Variants in TUSC3 observed in about 807,000 individuals in gnomAD.
TUSC3 encodes the protein dolichyl-diphosphooligosaccharide--protein glycosyltransferase subunit TUSC3.
Under a neutral mutation model 44.8 loss-of-function variants are expected in TUSC3, and 45 were observed. The ratio of observed to expected loss-of-function variants is 1.00; its 90% CI spans 0.79 to 1.29. The LOEUF (loss-of-function observed/expected upper bound fraction) is 1.29, where lower values mean the gene tolerates loss of function less well. TUSC3 is among the 50% of genes most tolerant of loss of function. The pLI is 0.00. For synonymous variants in TUSC3, 212 were observed against 152.9 expected, an observed-to-expected ratio of 1.39 and a Z score of -2.85; for missense variants, 519 against 437.9, an observed-to-expected ratio of 1.19 and a Z score of -1.65.
At chr8:15,562,089 A>C (rs976521867) in intron 1 of TUSC3, among the ~76,000 whole-genome samples, 1 of 152,210 alleles carries the variant, frequency 6.6e-6, no homozygotes, top group Non-Finnish European at 1.5e-5. Flanking sequence ...AAACAGCAGC[A>C]GTAAGAACAG....
chr8:15,771,126 G>A (rs147465959), downstream of TUSC3, among the ~76,000 whole-genome samples: 7 of 152,166 alleles, frequency 4.6e-5, no homozygotes, highest in African/African-American at 9.6e-5. Context: ...AGAAACCATC[G>A]GCCAAGAATT....
At chr8:15,592,239 T>A (rs954109421) in intron 1 of TUSC3, among the ~76,000 whole-genome samples, 1 of 152,188 alleles carries the variant, frequency 6.6e-6, no homozygotes, top group African/African-American at 2.4e-5. Flanking sequence ...ATCTGTAAAT[T>A]TTCCTATTCA....
At chr8:15,549,536 G>C (rs1012758084) in intron 1 of TUSC3, among the ~76,000 whole-genome samples, 1 of 151,486 alleles carries the variant, frequency 6.6e-6, no homozygotes, top group Admixed American at 6.6e-5. Flanking sequence ...CATTTTAAAG[G>C]CATACCAAAT....
intron 6 of TUSC3, among the ~76,000 whole-genome samples, chr8:15,723,491 A>AT: frequency 6.6e-6 from 1 of 152,268 alleles, no homozygotes; most frequent in Admixed American, 6.5e-5. Flanking sequence ...AACAAGTGGC[A>AT]TTTTTTGTCA....
At chr8:15,614,029 TTC>T (rs10607660) in intron 1 of TUSC3, among the ~76,000 whole-genome samples, 74,128 of 144,574 alleles carry the variant, frequency 0.51, 18,802 homozygotes, top group East Asian at 0.58. Context: ...TTTTTTTTTT[TTC>T]GGTGGGGGTC....
the TUSC3 span, among the ~76,000 whole-genome samples, chr8:15,773,614 C>T: frequency 2.0e-5 from 3 of 152,060 alleles, no homozygotes; most frequent in African/African-American, 7.2e-5. Flanking sequence ...GCATGGGGTC[C>T]TGAATAGCCA....
chr8:15,596,917 G>A (rs1198262876), intron 1 of TUSC3, among the ~76,000 whole-genome samples: 1 of 152,126 alleles, frequency 6.6e-6, no homozygotes, highest in East Asian at 1.9e-4. Flanking sequence ...ACTGCAGGCT[G>A]TGATAGATAC....
intron 1 of TUSC3, among the ~76,000 whole-genome samples, chr8:15,449,311 C>T (rs915136032): frequency 2.0e-5 from 3 of 152,140 alleles, no homozygotes; most frequent in Non-Finnish European, 4.4e-5. Context: ...TCTTCGGTCT[C>T]ATGTTCAAAA....
chr8:15,484,470 G>C (rs1800709745), intron 2 of TUSC3, among the ~76,000 whole-genome samples: 1 of 152,180 alleles, frequency 6.6e-6, no homozygotes, highest in Non-Finnish European at 1.5e-5. Flanking sequence ...CACAGTGTAG[G>C]ACATAGAGCA....
At chr8:15,447,090 C>T (rs1039186588) in intron 1 of TUSC3, among the ~76,000 whole-genome samples, 1 of 151,314 alleles carries the variant, frequency 6.6e-6, no homozygotes, top group Non-Finnish European at 1.5e-5. Flanking sequence ...GAAAAGATGA[C>T]AAGATGACAA....
At chr8:15,782,347 C>T in the TUSC3 span, among the ~76,000 whole-genome samples, 26 of 152,102 alleles carry the variant, frequency 1.7e-4, no homozygotes, top group South Asian at 4.2e-4. Flanking sequence ...GGCATAGTGT[C>T]ATGTGCCTGT....
At chr8:15,847,401 ATCTCTCATTCAC>A in the TUSC3 span, among the ~76,000 whole-genome samples, 1 of 151,918 alleles carries the variant, frequency 6.6e-6, no homozygotes, top group Non-Finnish European at 1.5e-5. Flanking sequence ...GTTGTGCAAA[ATCTCTCATTCAC>A]TCGAAATGTT....
At chr8:15,716,030 C>T (rs981773667) in intron 6 of TUSC3, among the ~76,000 whole-genome samples, 2 of 151,916 alleles carry the variant, frequency 1.3e-5, no homozygotes, top group African/African-American at 2.4e-5. Flanking sequence ...CCACGGCAGG[C>T]GGTTCACTTG....
intron 1 of TUSC3, among the ~76,000 whole-genome samples, chr8:15,419,663 C>T (rs1286264760): frequency 6.6e-6 from 1 of 152,150 alleles, no homozygotes; most frequent in South Asian, 2.1e-4. Flanking sequence ...TCATCCCTTA[C>T]ATTTAAAATT....
the TUSC3 span, among the ~76,000 whole-genome samples, chr8:15,811,586 AG>A: frequency 6.6e-6 from 1 of 152,334 alleles, no homozygotes; most frequent in Non-Finnish European, 1.5e-5. Context: ...TTTGCAGAAC[AG>A]GCACAAAGAA....
chr8:15,433,304 A>G (rs1799900277), intron 1 of TUSC3, among the ~76,000 whole-genome samples: 2 of 152,170 alleles, frequency 1.3e-5, no homozygotes, highest in Non-Finnish European at 2.9e-5. Context: ...AGGCCACACC[A>G]ATGAAGTCAA....
intron 1 of TUSC3, among the ~76,000 whole-genome samples, chr8:15,621,793 C>G (rs534589801): frequency 1.3e-5 from 2 of 150,994 alleles, no homozygotes; most frequent in Non-Finnish European, 3.0e-5. Context: ...AAAAAAAACA[C>G]AGCCGAGTCA....
chr8:15,635,208 C>T (rs569980216), intron 2 of TUSC3, among the ~76,000 whole-genome samples: 7 of 152,018 alleles, frequency 4.6e-5, no homozygotes, highest in Non-Finnish European at 1.0e-4. Context: ...TGAATAATGC[C>T]CACATCTCTT....
the TUSC3 span, among the ~76,000 whole-genome samples, chr8:15,837,776 AC>A: frequency 6.6e-6 from 1 of 152,228 alleles, no homozygotes; most frequent in African/African-American, 2.4e-5. Context: ...GCCTGTAACA[AC>A]CATTTTCTGG....
Sources: allele counts gnomAD v4.1 joint callset (sites outside exome capture counted in the v4.1 genomes callset), GRCh38; gene constraint gnomAD v4.1.1; transcripts MANE v1.5; gene names NCBI Gene and HGNC (gene_info 2026-07-23, HGNC 2026-07-21).